CSMD3: variants seen among roughly 807,000 people sequenced by gnomAD.
CSMD3 encodes CUB and Sushi multiple domains 3, also known as CUB and sushi domain-containing protein 3.
Under a neutral mutation model 435.2 loss-of-function variants are expected in CSMD3, and 177 were observed. The observed-to-expected ratio is 0.41, with a 90% CI of 0.36 to 0.46. The LOEUF (loss-of-function observed/expected upper bound fraction) is 0.46, where lower values mean the gene tolerates loss of function less well. CSMD3 is among the 20% of genes least tolerant of loss of function. The probability of loss-of-function intolerance (pLI) is 0.34; values close to 1 mark genes in which losing one functional copy is unlikely to be tolerated. For missense variants in CSMD3, 4,265 were observed against 4,504.6 expected (o/e 0.95, Z 1.52); for synonymous variants, 1,656 against 1,520.5 (o/e 1.09, Z -2.07).
chr8:113,362,375 C>A (rs970062802), intron 1 of CSMD3, among the ~76,000 whole-genome samples: 3 of 152,000 alleles, frequency 2.0e-5, no homozygotes, highest in African/African-American at 7.2e-5. Context: ...GGTTGGGGAA[C>A]CTCCAAGATC....
intron 10 of CSMD3, among the ~76,000 whole-genome samples, chr8:112,892,126 A>T (rs1489985237): frequency 3.3e-5 from 5 of 151,582 alleles, no homozygotes; most frequent in African/African-American, 1.2e-4. Flanking sequence ...TTAATTTTGT[A>T]CATGTATTAC....
chr8:113,379,737 C>T (rs1183982034), intron 1 of CSMD3, among the ~76,000 whole-genome samples: 1 of 152,092 alleles, frequency 6.6e-6, no homozygotes, highest in Non-Finnish European at 1.5e-5. Flanking sequence ...ACTTTTTAAT[C>T]TTTGAACAAA....
intron 38 of CSMD3, among the ~76,000 whole-genome samples, chr8:112,365,589 T>C (rs151213554): frequency 2.0e-5 from 3 of 150,410 alleles, no homozygotes; most frequent in African/African-American, 7.3e-5. Flanking sequence ...AAAATTCCCC[T>C]ATCAGAGCAA....
intron 13 of CSMD3, among the ~76,000 whole-genome samples, chr8:112,718,282 G>A (rs1376962849): frequency 6.6e-6 from 1 of 151,826 alleles, no homozygotes; most frequent in African/African-American, 2.4e-5. Flanking sequence ...TATATACTAT[G>A]AAGGATACTC....
At chr8:112,417,678 T>G (rs1812061038) in intron 32 of CSMD3, among the ~76,000 whole-genome samples, 1 of 152,190 alleles carries the variant, frequency 6.6e-6, no homozygotes, top group African/African-American at 2.4e-5. Context: ...TCTGTCTACT[T>G]GATTTTACAT....
In CSMD3 at chr8:112,503,783, T is replaced by A; in HGVS notation, c.5083+7A>T. 1 of 1,590,356 alleles carries A rather than the reference T, an allele frequency of 6.3e-7. No individual in the cohort carries two copies. Among genetic ancestry groups the A allele is most frequent in the Middle Eastern group, 1.7e-4 (1 of 6,002 alleles). ...TCATGATACTAACATGGAATGTTCA[T>A]ATTTACCTTTGTATTCTAGATGAAA... On this transcript the variant is annotated splice_region_variant and intron_variant, in intron 30 of 70. Coordinates refer to ENST00000297405, the MANE Select transcript of CSMD3 (RefSeq NM_198123.2).
intron 13 of CSMD3, among the ~76,000 whole-genome samples, chr8:112,734,883 A>G (rs1166909593): frequency 6.6e-6 from 1 of 151,974 alleles, no homozygotes; most frequent in Non-Finnish European, 1.5e-5. Context: ...ACTTCCTTCT[A>G]TCATACTCAT....
intron 70 of CSMD3, among the ~76,000 whole-genome samples, chr8:112,225,237 A>G (rs1211806985): frequency 1.3e-5 from 2 of 152,136 alleles, no homozygotes; most frequent in Non-Finnish European, 1.5e-5. Flanking sequence ...TATCATTTAT[A>G]GTATAAATAA....
In CSMD3 at chr8:112,378,491, T is replaced by C. The variant is rs1049270042; in HGVS notation, c.6136+1861A>G. Among the ~76,000 whole-genome samples, 7 of 152,110 alleles carry C rather than the reference T, an allele frequency of 4.6e-5. No individual in the cohort carries two copies. The South Asian group carries it at 1.2e-3, about 27-fold the overall frequency. ...AATGGAGTACTATTCATCCATAAAATTGAAATCCTGTTACTTGCAGCAACA... is the reference window on the plus strand; with the variant it reads ...AATGGAGTACTATTCATCCATAAAACTGAAATCCTGTTACTTGCAGCAACA... On this transcript the variant is annotated intron_variant, in intron 38 of 70. Coordinates refer to ENST00000297405, the MANE Select transcript of CSMD3 (RefSeq NM_198123.2).
intron 19 of CSMD3, among the ~76,000 whole-genome samples, chr8:112,645,587 T>A (rs1426298309): frequency 1.3e-5 from 2 of 152,172 alleles, no homozygotes; most frequent in African/African-American, 4.8e-5. Context: ...ATAAAACTGT[T>A]TGATATAGAT....
intron 3 of CSMD3, among the ~76,000 whole-genome samples, chr8:113,175,451 T>C (rs535268041): frequency 5.0e-4 from 76 of 152,060 alleles, no homozygotes; most frequent in African/African-American, 1.6e-3. Flanking sequence ...TAATAATACA[T>C]TCTAAACTTA....
intron 4 of CSMD3, among the ~76,000 whole-genome samples, chr8:113,159,998 T>C (rs1359471320): frequency 6.6e-6 from 1 of 151,888 alleles, no homozygotes; most frequent in African/African-American, 2.4e-5. Context: ...ACACTGGTGC[T>C]CAGGAAAAGT....
intron 27 of CSMD3, among the ~76,000 whole-genome samples, chr8:112,518,362 G>T (rs1422491181): frequency 1.3e-5 from 2 of 151,670 alleles, no homozygotes; most frequent in African/African-American, 2.4e-5. Flanking sequence ...AAAAAAATTA[G>T]CCCAGCATGG....
rs138809387 is a variant in CSMD3, at chr8:112,699,957, C to CGT, written c.1973-9909_1973-9908dup. The stretch of plus-strand genomic sequence containing the variant: ...ATCCTGGACAAGAAAAAAACATACA[C>CGT]GTGTGTGTGTGTGCGTGCGTGTGTG... On this transcript the variant is annotated intron_variant, in intron 13 of 70. Transcript: ENST00000297405. Among the ~76,000 whole-genome samples, 538 of 151,560 alleles carry CGT rather than the reference C, an allele frequency of 3.5e-3. 3 individuals are homozygous for CGT. Among genetic ancestry groups the CGT allele is most frequent in the African/African-American group, 0.01 (421 of 41,352 alleles).
chr8:112,406,542 A>T lies in CSMD3; in HGVS notation c.5791T>A (p.Ser1931Thr), dbSNP rs1831876830. The change falls in exon 35 of 71, where the codon TCC (serine) becomes ACC (threonine). Residue 1931 changes from serine (S) to threonine (T), a missense_variant. Around this residue, in one of 3 missense-constraint regions of CSMD3, gnomAD observed 3,255 missense variants for 3,380.2 expected, o/e 0.96. Transcript: ENST00000297405. ...TACTCACCAATACAAGTAGGTAAGG[A>T]ATCATTCCACTGGGCCAAAGAATTG... ...VPNSLAQWND[S>T]LPTCIVPCGG... 1.4e-5 allele frequency: 23 copies of T among 1,608,354 alleles called. No individual in the cohort carries two copies. Among genetic ancestry groups the T allele is most frequent in the Non-Finnish European group, 2.0e-5 (23 of 1,175,604 alleles).
intron 3 of CSMD3, among the ~76,000 whole-genome samples, chr8:113,198,548 C>T (rs2092684570): frequency 6.6e-6 from 1 of 151,094 alleles, no homozygotes; most frequent in South Asian, 2.1e-4. Flanking sequence ...CTTTTCCTTC[C>T]ACTTCATACA....
intron 10 of CSMD3, among the ~76,000 whole-genome samples, chr8:112,877,553 C>T (rs2081321999): frequency 6.6e-6 from 1 of 151,996 alleles, no homozygotes; most frequent in Non-Finnish European, 1.5e-5. Context: ...CAGGCATGAG[C>T]CACCATGTCT....
At chr8:112,638,421 T>C (rs118145613) in intron 21 of CSMD3, among the ~76,000 whole-genome samples, 18 of 151,134 alleles carry the variant, frequency 1.2e-4, no homozygotes, top group Non-Finnish European at 1.8e-4. Flanking sequence ...TTAGAATTTT[T>C]CAGGATTGTA....
chr8:112,262,781 A>G (rs1033715302), intron 61 of CSMD3, among the ~76,000 whole-genome samples: 2 of 152,138 alleles, frequency 1.3e-5, no homozygotes, highest in Non-Finnish European at 2.9e-5. Flanking sequence ...GGTGAGTAGT[A>G]AGATATGATG....
Sources: allele counts gnomAD v4.1 joint callset (sites outside exome capture counted in the v4.1 genomes callset), GRCh38; gene constraint gnomAD v4.1.1; regional missense constraint gnomAD v4.1.1; transcripts MANE v1.5; gene names NCBI Gene and HGNC (gene_info 2026-07-23, HGNC 2026-07-21).